TRIM37: variants seen among roughly 807,000 people sequenced by gnomAD.
The protein encoded by TRIM37 is E3 ubiquitin-protein ligase TRIM37.
A neutral mutation model predicts 129.8 loss-of-function variants in TRIM37; 80 were observed. That is an observed-to-expected ratio of 0.62 (90% CI 0.51 to 0.74). The LOEUF (loss-of-function observed/expected upper bound fraction) is 0.74. Ranked by LOEUF, TRIM37 falls within the 30% of genes least tolerant of loss-of-function variation. TRIM37 has a pLI of 0.00. For missense variants in TRIM37, 1,054 were observed against 1,176.5 expected, an observed-to-expected ratio of 0.90 and a Z score of 1.52; for synonymous variants, 389 against 387.1, an observed-to-expected ratio of 1.00 and a Z score of -0.06.
chr17:58,980,065 T>C (rs2031272140), downstream of TRIM37: 1 of 1,614,150 alleles, frequency 6.2e-7, no homozygotes, highest in Non-Finnish European at 8.5e-7. This position sits in a 1 kb window ranked among gnomAD's most constrained non-coding sequence, Gnocchi z 4.7. Context: ...TTCTGGCCTG[T>C]GATGGCTTCT....
At chr17:59,064,514 A>C in intron 9 of TRIM37, 109 bp from the exon 10 acceptor site, 1 of 711,344 alleles carries the variant, frequency 1.4e-6, no homozygotes. Flanking sequence ...TTAAACTAAA[A>C]TCTAAGAAAT....
chr17:59,000,176 G>A (rs1567931832), intron 23 of TRIM37, among the ~76,000 whole-genome samples: 1 of 152,190 alleles, frequency 6.6e-6, no homozygotes, highest in Non-Finnish European at 1.5e-5. Flanking sequence ...AAAACTGCTT[G>A]ACAGCAGAAT....
rs1458302547 is a variant in TRIM37, at chr17:59,051,233, T to C, written c.1295A>G (p.Gln432Arg). The change falls in exon 14 of 24, where the codon CAA becomes CGA. Residue 432 changes from glutamine (Q) to arginine (R), a missense_variant. Physicochemically the swap from Gln to Arg is conservative, Grantham distance 43. This residue lies in a region of TRIM37 where 752 missense variants were observed against 870.8 expected (regional missense o/e 0.86). Transcript: ENST00000262294. ...LEAAQTSYIQ[Q>R]INNLKERLTI... ...TCTTACCTCTTTAAGGTTGTTTATT[T>C]GTTGGATATAACTAGTCTGTGCAGC... 6.8e-6 allele frequency: 11 copies of C among 1,610,908 alleles called. No homozygotes were observed. Among genetic ancestry groups the C allele is most frequent in the Middle Eastern group, 1.6e-4 (1 of 6,080 alleles).
At position 59,074,144 on chromosome 17, in the gene TRIM37, C is replaced by T. The variant is rs570097711; in HGVS notation, c.684+1503G>A. Among the ~76,000 whole-genome samples, 49 of 152,310 alleles carry T rather than the reference C, an allele frequency of 3.2e-4. No individual in the cohort carries two copies. The South Asian group carries it at 9.9e-3, about 31-fold the overall frequency. ...AACACATGATTAATGCTTTGTGCTA[C>T]TACATTACAATGGCTATGATGTCAT... On this transcript the variant is annotated intron_variant, in intron 8 of 23. Transcript: ENST00000262294.
At chr17:59,068,760 C>A (rs1026385027) in intron 9 of TRIM37, among the ~76,000 whole-genome samples, 1 of 152,188 alleles carries the variant, frequency 6.6e-6, no homozygotes, top group African/African-American at 2.4e-5. Context: ...GGAGTTCTAG[C>A]TGTCAGAAAA....
intron 9 of TRIM37, among the ~76,000 whole-genome samples, chr17:59,069,925 A>T (rs184858015): frequency 6.6e-6 from 1 of 152,340 alleles, no homozygotes; most frequent in African/African-American, 2.4e-5. Context: ...AGCTGAGGCA[A>T]AAAAGTGAAT....
At chr17:59,040,687 A>G (rs1474682270) in intron 17 of TRIM37, among the ~76,000 whole-genome samples, 1 of 152,172 alleles carries the variant, frequency 6.6e-6, no homozygotes, top group Non-Finnish European at 1.5e-5. Context: ...AAGAATATAG[A>G]GCTTAGGTTG....
intron 17 of TRIM37, among the ~76,000 whole-genome samples, chr17:59,037,334 A>C (rs1047540941): frequency 6.6e-6 from 1 of 151,872 alleles, no homozygotes; most frequent in African/African-American, 2.4e-5. Context: ...CAAGGAGGGC[A>C]GATCACAAGA....
intron 23 of TRIM37, 105 bp downstream of exon 23, chr17:59,001,493 A>T: frequency 7.0e-7 from 1 of 1,434,372 alleles, no homozygotes. Flanking sequence ...AAGAAGCAAA[A>T]GCAGTAGAGC....
In TRIM37 at chr17:59,106,620, A is replaced by C; in HGVS notation, c.-159T>G. ...CCCCACCTGCGCGCCCCATCTCTTC[A>C]GGTCCAGCGCCGCCTACCCCCATTT... On this transcript the variant is annotated 5_prime_UTR_variant, in exon 1 of 24. Transcript: ENST00000262294. 1 of 832,476 alleles carries C rather than the reference A, an allele frequency of 1.2e-6. No individual in the cohort carries two copies. Among genetic ancestry groups the C allele is most frequent in the Non-Finnish European group, 1.9e-6 (1 of 512,930 alleles). 51.6% of individuals were successfully genotyped at this position (832,476 alleles called of 1,614,324 possible).
At chr17:59,001,802 T>A in intron 22 of TRIM37, 88 bp from the exon 23 acceptor site, 1 of 1,540,574 alleles carries the variant, frequency 6.5e-7, no homozygotes, top group Non-Finnish European at 8.8e-7. Flanking sequence ...TAAACTGAGA[T>A]TCCTATTGAA....
chr17:59,069,799 T>C (rs758035799), intron 9 of TRIM37, among the ~76,000 whole-genome samples: 7 of 152,282 alleles, frequency 4.6e-5, no homozygotes, highest in Non-Finnish European at 8.8e-5. Context: ...GTGGGTCTAA[T>C]ACAATAAGGC....
intron 17 of TRIM37, among the ~76,000 whole-genome samples, chr17:59,034,616 T>A (rs2038256970): frequency 6.6e-6 from 1 of 152,032 alleles, no homozygotes; most frequent in Admixed American, 6.6e-5. Flanking sequence ...CGCCTCAGCC[T>A]CCGAAAGTGC....
downstream of TRIM37, among the ~76,000 whole-genome samples, chr17:58,997,898 C>A (rs1003914646): frequency 6.6e-6 from 1 of 152,026 alleles, no homozygotes; most frequent in Non-Finnish European, 1.5e-5. Flanking sequence ...GCGGTGTTCC[C>A]GACATCACCA....
chr17:59,014,334 T>A (rs886835504), intron 21 of TRIM37, among the ~76,000 whole-genome samples: 24 of 152,150 alleles, frequency 1.6e-4, no homozygotes, highest in Admixed American at 1.0e-3. Flanking sequence ...ATTTCATTGT[T>A]TAAATTTAGA....
downstream of TRIM37, chr17:58,981,953 T>C (rs2031378068): frequency 6.5e-6 from 1 of 152,800 alleles, no homozygotes; most frequent in East Asian, 1.9e-4. Flanking sequence ...TTGTCTTTTT[T>C]TAGTTCAGAC....
intron 23 of TRIM37, among the ~76,000 whole-genome samples, chr17:59,000,662 T>C (rs942326630): frequency 2.0e-5 from 3 of 152,096 alleles, no homozygotes; most frequent in Non-Finnish European, 4.4e-5. Context: ...AAAATATTAA[T>C]AGTAGGTTTC....
chr17:59,078,149 A>T (rs940058055), intron 7 of TRIM37, among the ~76,000 whole-genome samples: 9 of 152,024 alleles, frequency 5.9e-5, no homozygotes, highest in African/African-American at 2.2e-4. Flanking sequence ...ATAATAATAA[A>T]TTAGTGGCAG....
At chr17:58,994,747 T>C (rs2032804194), downstream of TRIM37, among the ~76,000 whole-genome samples, 1 of 151,676 alleles carries the variant, frequency 6.6e-6, no homozygotes, top group Non-Finnish European at 1.5e-5. Context: ...ATTTTCTTTC[T>C]TTCTTTTTTT....
Sources: gnomAD v4.1 joint callset for allele counts (sites outside exome capture counted in the v4.1 genomes callset) on GRCh38, gnomAD v4.1.1 for gene constraint, gnomAD v4.1.1 regional missense constraint, Gnocchi (gnomAD v3.1) non-coding constraint, MANE v1.5 for transcripts, NCBI Gene and HGNC (gene_info 2026-07-23, HGNC 2026-07-21) for gene names.